The following ROBO2 variants were observed in gnomAD, a reference collection of about 807,000 sequenced individuals.
The protein encoded by ROBO2 is roundabout homolog 2.
Under a neutral mutation model 160.8 loss-of-function variants are expected in ROBO2, and 53 were observed. That is an observed-to-expected ratio of 0.33 (90% CI 0.26 to 0.41). The LOEUF (loss-of-function observed/expected upper bound fraction) is 0.41. Among genes scored for constraint, ROBO2 ranks in the 10% least tolerant of loss-of-function variants. The pLI is 1.00. For missense variants in ROBO2, 1,577 were observed against 1,722.4 expected, an observed-to-expected ratio of 0.92 and a Z score of 1.49; for synonymous variants, 664 against 611.7, an observed-to-expected ratio of 1.09 and a Z score of -1.26.
chr3:76,094,017 C>A (rs563216491), intron 2 of ROBO2, among the ~76,000 whole-genome samples: 2 of 151,998 alleles, frequency 1.3e-5, no homozygotes, highest in African/African-American at 2.4e-5. Context: ...AAGCTATGGA[C>A]CAAATATGTG....
intron 2 of ROBO2, among the ~76,000 whole-genome samples, chr3:76,748,153 C>T (rs1387398635): frequency 2.0e-5 from 3 of 151,944 alleles, no homozygotes; most frequent in East Asian, 1.9e-4. Flanking sequence ...CCAGATAAAT[C>T]GAATGTGGCA....
In ROBO2 at chr3:77,538,868, G is replaced by C. The variant is rs183226898; in HGVS notation, c.935-7470G>C. On this transcript the variant is annotated intron_variant, in intron 6 of 25. Transcript: ENST00000461745. ...AACGATTTCTCACTCTCTGTTTCTTGTTGGTGGAGGCAAGCCTATTAACTA... is the reference window on the plus strand; with the variant it reads ...AACGATTTCTCACTCTCTGTTTCTTCTTGGTGGAGGCAAGCCTATTAACTA... 7.1e-4 allele frequency: 356 copies of C among 498,024 alleles called. 1 individual carries two copies. Among genetic ancestry groups the C allele is most frequent in the African/African-American group, 6.5e-3 (336 of 51,782 alleles). 30.9% of individuals were successfully genotyped at this position (498,024 alleles called of 1,614,324 possible). A position where few individuals can be genotyped will look rare whatever the true frequency, so the allele number is the denominator to read the frequency against.
At chr3:76,981,923 G>A (rs774762037) in intron 2 of ROBO2, among the ~76,000 whole-genome samples, 3 of 152,066 alleles carry the variant, frequency 2.0e-5, no homozygotes, top group Admixed American at 1.3e-4. Flanking sequence ...TATCTTACAG[G>A]CAGCACCAAG....
At chr3:77,355,145 A>G (rs9881122) in intron 2 of ROBO2, among the ~76,000 whole-genome samples, 10,871 of 100,062 alleles carry the variant, frequency 0.11, 6 homozygotes, top group Non-Finnish European at 0.12. Flanking sequence ...TAGGAGCTCT[A>G]TCACATACCT....
chr3:76,189,188 C>T (rs1195009384), intron 2 of ROBO2, among the ~76,000 whole-genome samples: 1 of 151,848 alleles, frequency 6.6e-6, no homozygotes, highest in Non-Finnish European at 1.5e-5. Context: ...CTCTATCTAA[C>T]TAAAATGGGA....
At chr3:77,316,535 TC>T (rs1473160317) in intron 2 of ROBO2, among the ~76,000 whole-genome samples, 1 of 152,072 alleles carries the variant, frequency 6.6e-6, no homozygotes, top group Non-Finnish European at 1.5e-5. Context: ...GCTACCGAGT[TC>T]CCCCCAAGTC....
intron 2 of ROBO2, among the ~76,000 whole-genome samples, chr3:77,280,936 C>G (rs2060199399): frequency 6.6e-6 from 1 of 152,118 alleles, no homozygotes; most frequent in South Asian, 2.1e-4. Context: ...GACACTAGCT[C>G]CAAGGACTAG....
intron 2 of ROBO2, among the ~76,000 whole-genome samples, chr3:76,695,476 T>C (rs2092907998): frequency 6.6e-6 from 1 of 152,216 alleles, no homozygotes; most frequent in African/African-American, 2.4e-5. Flanking sequence ...ACTGTTAATA[T>C]TTATTGATAA....
intron 2 of ROBO2, among the ~76,000 whole-genome samples, chr3:76,651,423 A>G (rs1217747927): frequency 6.6e-6 from 1 of 152,114 alleles, no homozygotes; most frequent in East Asian, 1.9e-4. Context: ...ACTCTGTCTT[A>G]TATGTTTTTG....
intron 2 of ROBO2, among the ~76,000 whole-genome samples, chr3:76,719,108 T>G (rs929931681): frequency 1.3e-5 from 2 of 152,194 alleles, no homozygotes; most frequent in Admixed American, 6.5e-5. Context: ...ATTTTAGAGA[T>G]AGAAAATTGA....
chr3:76,334,591 G>T lies in ROBO2; in HGVS notation c.109+396989G>T, dbSNP rs145331676. ...TTAAGAGATTGAAAGGGAAGCGGGAGCAAGAGTCACATAGGCATAACAGGA... is the reference window on the plus strand; with the variant it reads ...TTAAGAGATTGAAAGGGAAGCGGGATCAAGAGTCACATAGGCATAACAGGA... On this transcript the variant is annotated intron_variant, in intron 2 of 26. Coordinates refer to the ROBO2 transcript ENST00000487694. 1.7e-3 allele frequency among the ~76,000 whole-genome samples: 256 copies of T among 152,248 alleles called. 1 individual carries two copies. Among genetic ancestry groups the T allele is most frequent in the African/African-American group, 6.0e-3 (248 of 41,538 alleles).
chr3:76,107,873 C>G (rs1443689697), intron 2 of ROBO2, among the ~76,000 whole-genome samples: 1 of 152,132 alleles, frequency 6.6e-6, no homozygotes, highest in African/African-American at 2.4e-5. Context: ...TATACCAACT[C>G]TAAATTTCTT....
chr3:77,144,903 A>C (rs537750442), intron 2 of ROBO2, among the ~76,000 whole-genome samples: 16 of 152,084 alleles, frequency 1.1e-4, no homozygotes, highest in Non-Finnish European at 2.2e-4. Context: ...GAACATGATG[A>C]TAAAAATGGA....
intron 2 of ROBO2, among the ~76,000 whole-genome samples, chr3:76,952,259 G>T (rs1388799586): frequency 6.6e-6 from 1 of 152,052 alleles, no homozygotes; most frequent in Non-Finnish European, 1.5e-5. Context: ...AGCAACTCCT[G>T]CATTGTAACC....
chr3:77,602,617 C>A, intron 20 of ROBO2, 126 bp downstream of exon 21: 2 of 1,149,530 alleles, frequency 1.7e-6, no homozygotes, highest in Non-Finnish European at 2.6e-6. Context: ...AAAAAAGATA[C>A]CAGCATGTTT....
chr3:76,823,890 A>T (rs768754801), intron 2 of ROBO2, among the ~76,000 whole-genome samples: 1 of 152,340 alleles, frequency 6.6e-6, no homozygotes, highest in South Asian at 2.1e-4. Context: ...CCTGATTAGC[A>T]GTTGTTTTAT....
At chr3:76,320,546 A>C (rs2072431312) in intron 2 of ROBO2, among the ~76,000 whole-genome samples, 1 of 152,220 alleles carries the variant, frequency 6.6e-6, no homozygotes, top group Non-Finnish European at 1.5e-5. Flanking sequence ...AAAGTCCAAC[A>C]TTATGTTCTG....
chr3:76,220,665 AGTG>A (rs1703906440), intron 2 of ROBO2, among the ~76,000 whole-genome samples: 1 of 152,174 alleles, frequency 6.6e-6, no homozygotes, highest in African/African-American at 2.4e-5. Context: ...ACATTCTTTG[AGTG>A]GTGTTTAATC....
chr3:76,599,172 T>A (rs1361419931), intron 2 of ROBO2, among the ~76,000 whole-genome samples: 1 of 152,196 alleles, frequency 6.6e-6, no homozygotes, highest in Non-Finnish European at 1.5e-5. Flanking sequence ...TCATCACCCA[T>A]GTACTAAGCC....
Sources: gnomAD v4.1 joint callset for allele counts (sites outside exome capture counted in the v4.1 genomes callset) on GRCh38, gnomAD v4.1.1 for gene constraint, MANE v1.5 for transcripts, NCBI Gene and HGNC (gene_info 2026-07-23, HGNC 2026-07-21) for gene names.